Variants in VPS33B observed in about 807,000 individuals in gnomAD.
VPS33B encodes VPS33B late endosome and lysosome associated.
In VPS33B, 80 loss-of-function variants were observed where a neutral mutation model predicts 95.3. That is an observed-to-expected ratio of 0.84 (90% CI 0.70 to 1.01). The LOEUF (loss-of-function observed/expected upper bound fraction) is 1.01. VPS33B is among the 50% of genes least tolerant of loss of function. The pLI is 0.00. For synonymous variants in VPS33B, 280 were observed against 280.4 expected (o/e 1.00, Z 0.01); for missense variants, 715 against 773.4 (o/e 0.92, Z 0.90).
chr15:91,022,572 C>A lies in VPS33B; in HGVS notation c.-323G>T. ...CAGCGTACGAGGAGAACCCCGCCTT[C>A]TACCAGAAAAAGAAGCGACTTCCTA... On this transcript the variant is annotated 5_prime_UTR_variant, in exon 1 of 23. Transcript: ENST00000333371. 1 of 239,656 alleles carries A rather than the reference C, an allele frequency of 4.2e-6. No homozygotes were observed. Among genetic ancestry groups the A allele is most frequent in the Non-Finnish European group, 8.0e-6 (1 of 125,232 alleles). The allele number at this position is 239,656 out of a possible 1,614,324, so 14.8% of individuals were successfully genotyped here. A position where few individuals can be genotyped will look rare whatever the true frequency, so the allele number is the denominator to read the frequency against.
rs1207611724 is a variant in VPS33B at position 91,022,210 on chromosome 15, C to G, written c.40G>C (p.Asp14His). The change falls in exon 1 of 23, where the codon GAC becomes CAC. Residue 14 changes from aspartate to histidine, a missense_variant. Transcript: ENST00000333371. Reference sequence around the variant, plus strand: ...GCCAGCCTCTTCAGCATGGAGAAGTCAGGCAGCTCAGGGGCGTCCGGCCGA... The same window carrying G: ...GCCAGCCTCTTCAGCATGGAGAAGTGAGGCAGCTCAGGGGCGTCCGGCCGA... Reference protein sequence around the residue: ...PHRPDAPELPDFSMLKRLARD... With the variant: ...PHRPDAPELPHFSMLKRLARD... 3 of 1,587,966 alleles carry G rather than the reference C, an allele frequency of 1.9e-6. No homozygotes were observed. The Admixed American group carries it at 5.2e-5, about 28-fold the overall frequency.
At position 91,003,077 on chromosome 15, in the gene VPS33B, G is replaced by A; in HGVS notation, c.1272+8C>T. On this transcript the variant is annotated splice_region_variant and intron_variant, in intron 17 of 22. Coordinates refer to ENST00000333371, the MANE Select transcript of VPS33B (RefSeq NM_018668.5). ...AGTTCCCTCAAGAATACATTCTCCAGGCCTTACCTGCAGATACTGTGTTTT... is the reference window on the plus strand; with the variant it reads ...AGTTCCCTCAAGAATACATTCTCCAAGCCTTACCTGCAGATACTGTGTTTT... 1 of 1,614,118 alleles carries A rather than the reference G, an allele frequency of 6.2e-7. No individual in the cohort carries two copies. Among genetic ancestry groups the A allele is most frequent in the East Asian group, 2.2e-5 (1 of 44,878 alleles).
At chr15:91,001,025 T>G in intron 19 of VPS33B, 1 of 349,916 alleles carries the variant, frequency 2.9e-6, no homozygotes, top group Non-Finnish European at 5.5e-6. Flanking sequence ...TTCAAAGTAC[T>G]CCACAATGGG....
chr15:91,009,887 T>C lies in VPS33B; in HGVS notation c.358-41A>G. On this transcript the variant is annotated intron_variant, in intron 5 of 22. Coordinates refer to ENST00000333371, the MANE Select transcript of VPS33B (RefSeq NM_018668.5). This position sits in a 1 kb window ranked among gnomAD's most constrained non-coding sequence, Gnocchi z 4.1. ...AAATTGATTAGTAACTACCTTCTTC[T>C]CTGTTCTCTCCATTTCTCTGGAGTT... is the stretch of plus-strand genomic sequence containing the variant. 1.2e-6 allele frequency: 2 copies of C among 1,611,812 alleles called. No individual in the cohort carries two copies. Among genetic ancestry groups the C allele is most frequent in the Non-Finnish European group, 1.7e-6 (2 of 1,177,970 alleles).
Position 91,000,751 on chromosome 15 carries a change from T to C in VPS33B, c.1480-160A>G. On this transcript the variant is annotated intron_variant, in intron 19 of 22. Transcript: ENST00000333371. This position sits in a 1 kb window ranked among gnomAD's most constrained non-coding sequence, Gnocchi z 4.9. ...GAGAATCCATAACGGAAGATGGCAG[T>C]TTTTGTTCAGTAACTGCCAGTTCTC... is the stretch of plus-strand genomic sequence containing the variant. 3 of 655,356 alleles carry C rather than the reference T, an allele frequency of 4.6e-6. No homozygotes were observed. The South Asian group carries it at 4.7e-5, about 10-fold the overall frequency. 40.6% of individuals were successfully genotyped at this position (655,356 alleles called of 1,614,324 possible).
At chr15:91,020,352 G>A (rs2041067808) in intron 1 of VPS33B, among the ~76,000 whole-genome samples, 1 of 152,178 alleles carries the variant, frequency 6.6e-6, no homozygotes, top group African/African-American at 2.4e-5. Context: ...GATATTTCAA[G>A]CTGAATAGCA....
In VPS33B at chr15:91,005,819, C is replaced by T. The variant is rs776230156; in HGVS notation, c.940-35G>A. On this transcript the variant is annotated intron_variant, in intron 12 of 22. Transcript: ENST00000333371. The surrounding 1 kb of genome is among the most constrained non-coding windows in gnomAD (Gnocchi z 6.4). ...AATTCCCAAAGGTGAACCCCCCAAC[C>T]TCAGACACGAGAAACCACCACCCTC... The T allele has an allele frequency of 2.1e-5, 34 of 1,613,662 alleles. No individual in the cohort carries two copies. The highest frequency in any genetic ancestry group is 4.0e-5 in the African/African-American group (3 of 74,912).
chr15:90,999,783 C>T lies in VPS33B; in HGVS notation c.1668G>A (p.Lys556=). Residue 556 remains lysine, a synonymous_variant, in exon 22 of 23, where the codon AAG becomes AAA. Transcript: ENST00000333371. The surrounding 1 kb of genome is among the most constrained non-coding windows in gnomAD (Gnocchi z 5.1). ...GGGACTCACTGGAAGCCTTGTCTTC[C>T]TTAGTCATATCTGTGAGGATCAGAC... The part of the protein sequence containing the change: ...CSDFAFTDMT[K]EDKASSESLR... 2 of 1,614,174 alleles carry T rather than the reference C, an allele frequency of 1.2e-6. No individual in the cohort carries two copies. Among genetic ancestry groups the T allele is most frequent in the African/African-American group, 1.3e-5 (1 of 75,038 alleles).
At position 90,999,515 on chromosome 15, in the gene VPS33B, C is replaced by T; in HGVS notation, c.1774+162G>A. ...TGTATTTTTCGTAGAGATGGGGTTT[C>T]ACCATGTTGGTCAGGCTAGGCTCTA... On this transcript the variant is annotated intron_variant, in intron 22 of 22. Coordinates refer to ENST00000333371, the MANE Select transcript of VPS33B (RefSeq NM_018668.5). The surrounding 1 kb of genome is among the most constrained non-coding windows in gnomAD (Gnocchi z 5.1). 3.8e-6 allele frequency: 3 copies of T among 782,606 alleles called. No individual in the cohort carries two copies. The highest frequency in any genetic ancestry group is 6.7e-6 in the Non-Finnish European group (3 of 446,150). 48.5% of individuals were successfully genotyped at this position (782,606 alleles called of 1,614,324 possible). A position where few individuals can be genotyped will look rare whatever the true frequency, so the allele number is the denominator to read the frequency against.
In VPS33B at chr15:90,999,023, G is replaced by T. The variant is rs771119081; in HGVS notation, c.1806C>A (p.Val602=). 9 of 1,614,170 alleles carry T rather than the reference G, an allele frequency of 5.6e-6. No individual in the cohort carries two copies. The highest frequency in any genetic ancestry group is 5.9e-6 in the Non-Finnish European group (7 of 1,180,022). Residue 602 remains valine (V), a synonymous_variant, in exon 23 of 23, where the codon GTC becomes GTA. Transcript: ENST00000333371. This position sits in a 1 kb window ranked among gnomAD's most constrained non-coding sequence, Gnocchi z 5.1. ...CCTCCATAAGGCGAGCGCTGTTTGT[G>T]ACTGCTGTCGTCAGGAAAATGAACC... is the stretch of plus-strand genomic sequence containing the variant. ...GYRFIFLTTA[V]TNSARLMEAM...
chr15:91,014,528 T>C, intron 3 of VPS33B, 95 bp from the exon 4 acceptor site: 3 of 1,425,262 alleles, frequency 2.1e-6, no homozygotes, highest in Non-Finnish European at 3.0e-6. Flanking sequence ...CTTTTGCCAT[T>C]TGCCCTACAG....
In VPS33B at chr15:91,006,588, G is replaced by A. The variant is rs892435135; in HGVS notation, c.778+64C>T. 2.5e-5 allele frequency: 41 copies of A among 1,610,610 alleles called. No homozygotes were observed. In the Admixed American group the frequency reaches 4.3e-4, roughly 17 times the overall value. Reference sequence around the variant, plus strand: ...GTCTCTCCCACAAACCCTGCCCCACGTGGGAGGTGCCAAGGCTGATGACCC... The same window carrying A: ...GTCTCTCCCACAAACCCTGCCCCACATGGGAGGTGCCAAGGCTGATGACCC... On this transcript the variant is annotated intron_variant, in intron 10 of 22. Coordinates refer to ENST00000333371, the MANE Select transcript of VPS33B (RefSeq NM_018668.5). This position sits in a 1 kb window ranked among gnomAD's most constrained non-coding sequence, Gnocchi z 5.4.
At position 91,005,346 on chromosome 15, in the gene VPS33B, G is replaced by A. The variant is rs80257911; in HGVS notation, c.1105+34C>T. On this transcript the variant is annotated intron_variant, in intron 14 of 22. Transcript: ENST00000333371. The surrounding 1 kb of genome is among the most constrained non-coding windows in gnomAD (Gnocchi z 6.4). ...GGCTGGGAGCTGGGGAAGTAGAAGCGTGGGCAGTAGCACAGCAAGGCTGCG... is the reference window on the plus strand; with the variant it reads ...GGCTGGGAGCTGGGGAAGTAGAAGCATGGGCAGTAGCACAGCAAGGCTGCG... 41 of 1,614,166 alleles carry A rather than the reference G, an allele frequency of 2.5e-5. No individual in the cohort carries two copies. The African/African-American group carries it at 3.7e-4, about 15-fold the overall frequency.
At position 90,998,941 on chromosome 15, in the gene VPS33B, T is replaced by C; in HGVS notation, c.*34A>G. On this transcript the variant is annotated 3_prime_UTR_variant, in exon 23 of 23. Transcript: ENST00000333371. The surrounding 1 kb of genome is among the most constrained non-coding windows in gnomAD (Gnocchi z 4.8). The stretch of plus-strand genomic sequence containing the variant: ...GCCTGCATCTCACTGAGGAATGTGT[T>C]CAGGGAAGATGTCAACACTGGCCGG... The C allele has an allele frequency of 6.2e-7, 1 of 1,612,050 alleles. No individual in the cohort carries two copies. Among genetic ancestry groups the C allele is most frequent in the Non-Finnish European group, 8.5e-7 (1 of 1,178,964 alleles).
rs764518291 is a variant in VPS33B at position 91,000,503 on chromosome 15, C to T, written c.1568G>A (p.Arg523Gln). 24 of 1,612,808 alleles carry T rather than the reference C, an allele frequency of 1.5e-5. No individual in the cohort carries two copies. The highest frequency in any genetic ancestry group is 3.3e-5 in the South Asian group (3 of 91,020). Residue 523 changes from arginine (R) to glutamine (Q), a missense_variant, in exon 20 of 23, where the codon CGA (arginine) becomes CAA (glutamine). Arg to Gln is a conservative substitution (Grantham distance 43, BLOSUM62 1). Coordinates refer to ENST00000333371, the MANE Select transcript of VPS33B (RefSeq NM_018668.5). This position sits in a 1 kb window ranked among gnomAD's most constrained non-coding sequence, Gnocchi z 4.9. The stretch of plus-strand genomic sequence containing the variant: ...ACATGCTCTCACCTGCTCAATGATT[C>T]GGCAGCTCAGGGGCACATAAGCACC... ...FGGAYVPLSC[R>Q]IIEQVLERRS... is the part of the protein sequence containing the mutation.
Position 91,005,635 on chromosome 15 carries a change from G to C in VPS33B, c.1030+59C>G. On this transcript the variant is annotated intron_variant, in intron 13 of 22. Transcript: ENST00000333371. This position sits in a 1 kb window ranked among gnomAD's most constrained non-coding sequence, Gnocchi z 6.4. ...TCCTCCTCGGGAGTAATGGTCCTCTGGAGCTTTCCCCAGAGGGACACAGTC... is the reference window on the plus strand; with the variant it reads ...TCCTCCTCGGGAGTAATGGTCCTCTCGAGCTTTCCCCAGAGGGACACAGTC... The C allele has an allele frequency of 6.2e-7, 1 of 1,603,738 alleles. No individual in the cohort carries two copies. The highest frequency in any genetic ancestry group is 1.7e-4 in the Middle Eastern group (1 of 6,026).
In VPS33B at chr15:91,009,798, C is replaced by T. The variant is rs746411088; in HGVS notation, c.403+3G>A. The stretch of plus-strand genomic sequence containing the variant: ...CTTTCCACTCACATTCATCTCCTCT[C>T]ACCTCCATAGATTCCCTCTTCCTCA... On this transcript the variant is annotated splice_donor_region_variant and intron_variant, in intron 6 of 22. Coordinates refer to ENST00000333371, the MANE Select transcript of VPS33B (RefSeq NM_018668.5). This position sits in a 1 kb window ranked among gnomAD's most constrained non-coding sequence, Gnocchi z 4.1. 5.6e-6 allele frequency: 9 copies of T among 1,614,072 alleles called. No individual in the cohort carries two copies. Among genetic ancestry groups the T allele is most frequent in the Non-Finnish European group, 6.8e-6 (8 of 1,180,028 alleles).
At chr15:91,001,492 C>T (rs745862275) in intron 18 of VPS33B, 30 bp from the exon 19 acceptor site, 4 of 1,594,242 alleles carry the variant, frequency 2.5e-6, no homozygotes, top group East Asian at 2.2e-5. Flanking sequence ...CAGGTTTCAC[C>T]TAAGGTCTAT....
At chr15:91,008,409 T>G (rs66571706) in intron 6 of VPS33B, among the ~76,000 whole-genome samples, 22,441 of 152,108 alleles carry the variant, frequency 0.15, 2,222 homozygotes, top group African/African-American at 0.28. Flanking sequence ...GGATTACAGG[T>G]GCACGCCACC....
Sources: gnomAD v4.1 joint callset for allele counts (sites outside exome capture counted in the v4.1 genomes callset) on GRCh38, gnomAD v4.1.1 for gene constraint, Gnocchi (gnomAD v3.1) non-coding constraint, MANE v1.5 for transcripts, NCBI Gene and HGNC (gene_info 2026-07-23, HGNC 2026-07-21) for gene names.